LRRC7: variants seen among roughly 807,000 people sequenced by gnomAD.
LRRC7 encodes the protein leucine-rich repeat-containing protein 7.
LRRC7 carries 23 observed loss-of-function variants against 175.7 expected under a neutral mutation model. The observed-to-expected ratio is 0.13, with a 90% CI of 0.09 to 0.19. The LOEUF (loss-of-function observed/expected upper bound fraction) is 0.19, where lower values mean the gene tolerates loss of function less well. LRRC7 is among the 10% of genes least tolerant of loss of function. The probability of loss-of-function intolerance (pLI) is 1.00; values close to 1 mark genes in which losing one functional copy is unlikely to be tolerated. For synonymous variants in LRRC7, 685 were observed against 680.9 expected, an observed-to-expected ratio of 1.01 and a Z score of -0.09; for missense variants, 1,354 against 1,904.7, an observed-to-expected ratio of 0.71 and a Z score of 5.38.
At chr1:69,786,685 A>G (rs1277764284) in intron 3 of LRRC7, among the ~76,000 whole-genome samples, 1 of 152,138 alleles carries the variant, frequency 6.6e-6, no homozygotes, top group Non-Finnish European at 1.5e-5. Flanking sequence ...TAAAATCATC[A>G]GATCTTGTGA....
chr1:69,979,583 G>A (rs531913375), intron 8 of LRRC7, among the ~76,000 whole-genome samples: 1 of 152,128 alleles, frequency 6.6e-6, no homozygotes, highest in East Asian at 1.9e-4. Context: ...CCTAGATCTA[G>A]ATCTAGATCA....
Position 70,052,601 on chromosome 1 carries a change from A to G in LRRC7, c.4111-425A>G, listed in dbSNP as rs1424126955. 2.0e-5 allele frequency among the ~76,000 whole-genome samples: 3 copies of G among 152,118 alleles called. No homozygotes were observed. In the South Asian group the frequency reaches 6.2e-4, roughly 31 times the overall value. On this transcript the variant is annotated intron_variant, in intron 22 of 26. Coordinates refer to ENST00000651989, the MANE Select transcript of LRRC7 (RefSeq NM_001370785.2). ...AATACAACCTTATAAAATTTATTTT[A>G]GGTTATGGCTTAGAATATTAGAACT...
At chr1:70,001,442 T>A (rs1453971790) in intron 11 of LRRC7, among the ~76,000 whole-genome samples, 5 of 152,224 alleles carry the variant, frequency 3.3e-5, no homozygotes, top group Non-Finnish European at 7.3e-5. Flanking sequence ...TTTATTCTCA[T>A]TTTAGTTTTA....
intron 4 of LRRC7, among the ~76,000 whole-genome samples, chr1:69,821,149 A>T (rs1679247072): frequency 6.6e-6 from 1 of 152,206 alleles, no homozygotes; most frequent in South Asian, 2.1e-4. Flanking sequence ...TGTTGGCTAC[A>T]TAAATGTATT....
intron 1 of LRRC7, among the ~76,000 whole-genome samples, chr1:69,599,440 A>C (rs923026929): frequency 6.6e-6 from 1 of 152,196 alleles, no homozygotes; most frequent in African/African-American, 2.4e-5. Context: ...ACATAAAATG[A>C]ACTCTAGTCT....
intron 4 of LRRC7, among the ~76,000 whole-genome samples, chr1:69,794,136 C>T (rs1675438880): frequency 6.6e-6 from 1 of 152,124 alleles, no homozygotes; most frequent in Non-Finnish European, 1.5e-5. Context: ...AACACTGTAG[C>T]ATCTGAATAA....
At chr1:69,820,058 A>G (rs1163786806) in intron 4 of LRRC7, among the ~76,000 whole-genome samples, 1 of 151,848 alleles carries the variant, frequency 6.6e-6, no homozygotes, top group Non-Finnish European at 1.5e-5. Flanking sequence ...AGGACTTACT[A>G]TTACCATTTT....
chr1:69,997,547 T>C lies in LRRC7; in HGVS notation c.1004+2914T>C, dbSNP rs535179705. Among the ~76,000 whole-genome samples the C allele has an allele frequency of 2.5e-3, 375 of 152,146 alleles. 2 individuals are homozygous for C. Among genetic ancestry groups the C allele is most frequent in the African/African-American group, 8.8e-3 (365 of 41,484 alleles). ...ATATTGGCTGTGGATTTGTCATAGATAGCTCTTATTATTTTGAGATACGTC... is the reference window on the plus strand; with the variant it reads ...ATATTGGCTGTGGATTTGTCATAGACAGCTCTTATTATTTTGAGATACGTC... On this transcript the variant is annotated intron_variant, in intron 11 of 26. Transcript: ENST00000651989.
intron 3 of LRRC7, among the ~76,000 whole-genome samples, chr1:69,790,857 C>T (rs546484893): frequency 7.9e-5 from 12 of 151,996 alleles, no homozygotes; most frequent in African/African-American, 2.4e-4. Context: ...TGAAGTGTTA[C>T]GAATAGTCTT....
At chr1:69,914,413 C>A (rs543752157) in intron 7 of LRRC7, among the ~76,000 whole-genome samples, 1 of 152,094 alleles carries the variant, frequency 6.6e-6, no homozygotes, top group Non-Finnish European at 1.5e-5. Flanking sequence ...GGAATATTTT[C>A]CAGCTTTGCA....
chr1:69,838,035 G>A (rs1323457276), intron 6 of LRRC7, among the ~76,000 whole-genome samples, 192 bp from the exon 7 acceptor site: 2 of 151,546 alleles, frequency 1.3e-5, no homozygotes, highest in Admixed American at 6.6e-5. Context: ...TAGGGCAATT[G>A]GGGTATCCAT....
intron 1 of LRRC7, among the ~76,000 whole-genome samples, chr1:69,576,835 A>G (rs993333635): frequency 5.3e-5 from 8 of 152,186 alleles, no homozygotes; most frequent in Non-Finnish European, 1.0e-4. Context: ...ACCATTTTAC[A>G]TGACAAAATC....
At chr1:69,686,770 A>G (rs1661201153) in intron 2 of LRRC7, among the ~76,000 whole-genome samples, 1 of 152,174 alleles carries the variant, frequency 6.6e-6, no homozygotes, top group African/African-American at 2.4e-5. Context: ...AATTACATTA[A>G]GTGTAAATGG....
intron 23 of LRRC7, among the ~76,000 whole-genome samples, chr1:70,060,570 T>TGA (rs1661502212): frequency 2.0e-5 from 3 of 151,778 alleles, no homozygotes; most frequent in Non-Finnish European, 2.9e-5. Flanking sequence ...CTGAAATAGA[T>TGA]GAGAGAGAGA....
At chr1:70,063,896 G>A (rs191474898) in intron 23 of LRRC7, among the ~76,000 whole-genome samples, 4 of 152,098 alleles carry the variant, frequency 2.6e-5, no homozygotes. Context: ...ATAGGAGAAT[G>A]TACTTATAGA....
intron 1 of LRRC7, among the ~76,000 whole-genome samples, chr1:69,654,250 T>G (rs1028674248): frequency 1.3e-5 from 2 of 151,718 alleles, no homozygotes; most frequent in African/African-American, 4.8e-5. Flanking sequence ...GATAAAAATA[T>G]CAAAAAAGGG....
At chr1:69,725,390 C>G (rs1409327216) in intron 2 of LRRC7, among the ~76,000 whole-genome samples, 1 of 152,090 alleles carries the variant, frequency 6.6e-6, no homozygotes, top group Non-Finnish European at 1.5e-5. Context: ...CAAACAACTT[C>G]CAAGTTCATA....
intron 2 of LRRC7, among the ~76,000 whole-genome samples, chr1:69,722,268 T>C (rs1666446465): frequency 6.6e-6 from 1 of 152,012 alleles, no homozygotes; most frequent in South Asian, 2.1e-4. Flanking sequence ...ACTTTCTAAT[T>C]TTATTTTTTG....
chr1:69,673,382 G>A lies in LRRC7; in HGVS notation c.3-4999G>A, dbSNP rs553824450. 1.8e-3 allele frequency among the ~76,000 whole-genome samples: 274 copies of A among 152,250 alleles called. 1 individual carries two copies. The highest frequency in any genetic ancestry group is 6.2e-3 in the African/African-American group (258 of 41,554). On this transcript the variant is annotated intron_variant, in intron 1 of 26. Coordinates refer to ENST00000651989, the MANE Select transcript of LRRC7 (RefSeq NM_001370785.2). The stretch of plus-strand genomic sequence containing the variant: ...TTATTTCCTCCTAGCAGTTGAACAC[G>A]TAGGCTGCACTTTTTCAGAGCTCTT...
Sources: gnomAD v4.1 joint callset for allele counts (sites outside exome capture counted in the v4.1 genomes callset) on GRCh38, gnomAD v4.1.1 for gene constraint, MANE v1.5 for transcripts, NCBI Gene and HGNC (gene_info 2026-07-23, HGNC 2026-07-21) for gene names.